The following PAX2 variants were observed in gnomAD, a reference collection of about 807,000 sequenced individuals.
The protein encoded by PAX2 is paired box 2.
PAX2 carries 9 observed loss-of-function variants against 41.7 expected under a neutral mutation model. The ratio of observed to expected loss-of-function variants is 0.22; its 90% CI spans 0.13 to 0.38. PAX2 has a LOEUF of 0.38. Ranked by LOEUF, PAX2 falls within the 10% of genes least tolerant of loss-of-function variation. The pLI is 1.00. For synonymous variants in PAX2, 221 were observed against 212.7 expected, an observed-to-expected ratio of 1.04 and a Z score of -0.34; for missense variants, 418 against 531.6, an observed-to-expected ratio of 0.79 and a Z score of 2.10.
chr10:100,760,947 G>A (rs982278812), intron 3 of PAX2, among the ~76,000 whole-genome samples: 51 of 152,298 alleles, frequency 3.3e-4, no homozygotes, highest in African/African-American at 1.2e-3. Context: ...GTGACTGTCT[G>A]GAGTCTGGGA....
chr10:100,783,170 C>T (rs531817191), intron 5 of PAX2, among the ~76,000 whole-genome samples: 3 of 152,354 alleles, frequency 2.0e-5, no homozygotes, highest in Admixed American at 6.5e-5. Flanking sequence ...AGTGGTTGAT[C>T]GCCTTCATTG....
In PAX2 at chr10:100,745,692, C is replaced by T; in HGVS notation, c.-569C>T. 4 of 603,354 alleles carry T rather than the reference C, an allele frequency of 6.6e-6. No homozygotes were observed. Among genetic ancestry groups the T allele is most frequent in the African/African-American group, 2.0e-5 (1 of 50,448 alleles). The allele number at this position is 603,354 out of a possible 1,614,324, so 37.4% of individuals were successfully genotyped here. ...CCGGCCCTTCGGCCGCGGCGGCGTG[C>T]GCCTGCCTTTTCCGGGGGCGGGGGC... is the stretch of plus-strand genomic sequence containing the variant. On this transcript the variant is annotated 5_prime_UTR_variant, in exon 1 of 10. Transcript: ENST00000355243.
At chr10:100,814,575 G>C (rs762497654) in intron 7 of PAX2, among the ~76,000 whole-genome samples, 1 of 152,190 alleles carries the variant, frequency 6.6e-6, no homozygotes, top group Non-Finnish European at 1.5e-5. Flanking sequence ...GCCTGTTCCA[G>C]GCTTGTCCAG....
chr10:100,809,355 A>G, intron 7 of PAX2, 119 bp downstream of exon 7: 1 of 1,053,682 alleles, frequency 9.5e-7, no homozygotes, highest in South Asian at 1.3e-5. Context: ...AGAGAGAACG[A>G]GGCTTCTAAA....
intron 3 of PAX2, among the ~76,000 whole-genome samples, chr10:100,777,480 C>T (rs1328628376): frequency 2.0e-5 from 3 of 150,898 alleles, no homozygotes; most frequent in Non-Finnish European, 4.4e-5. Flanking sequence ...CTGCAACCTC[C>T]GCCTCCCGGG....
At chr10:100,768,103 T>C (rs1846086072) in intron 3 of PAX2, among the ~76,000 whole-genome samples, 1 of 151,820 alleles carries the variant, frequency 6.6e-6, no homozygotes, top group African/African-American at 2.4e-5. Context: ...ACGATTGTGA[T>C]GTGAAAATCT....
chr10:100,793,975 G>C (rs1847232250), intron 5 of PAX2, among the ~76,000 whole-genome samples: 1 of 152,166 alleles, frequency 6.6e-6, no homozygotes, highest in Admixed American at 6.5e-5. Flanking sequence ...TGTTCCATAG[G>C]AATCTGGGGA....
At position 100,828,777 on chromosome 10, in the gene PAX2, C is replaced by G. The variant is rs1848675456; in HGVS notation, c.*1158C>G. The G allele has an allele frequency of 4.3e-6, 1 of 233,492 alleles. No individual in the cohort carries two copies. The highest frequency in any genetic ancestry group is 1.8e-4 in the South Asian group (1 of 5,522). The allele number at this position is 233,492 out of a possible 1,614,324, so 14.5% of individuals were successfully genotyped here. A position where few individuals can be genotyped will look rare whatever the true frequency, so the allele number is the denominator to read the frequency against. ...TCCTCCGGCAGGAACTGAACAGAAC[C>G]ACAAAAAGTCTACATTTATTTAATA... is the stretch of plus-strand genomic sequence containing the variant. On this transcript the variant is annotated 3_prime_UTR_variant, in exon 10 of 10. Transcript: ENST00000355243. This position sits in a 1 kb window ranked among gnomAD's most constrained non-coding sequence, Gnocchi z 6.5.
At chr10:100,825,942 T>A (rs1240696266) in intron 8 of PAX2, among the ~76,000 whole-genome samples, 2 of 31,786 alleles carry the variant, frequency 6.3e-5, no homozygotes, top group African/African-American at 1.3e-4. Flanking sequence ...TTTAAAGAGG[T>A]GGGGTGAGGG....
intron 3 of PAX2, among the ~76,000 whole-genome samples, chr10:100,757,862 G>A (rs1016522865): frequency 1.3e-5 from 2 of 152,134 alleles, no homozygotes; most frequent in African/African-American, 2.4e-5. Context: ...TGAGGGTATG[G>A]GAAGCTAAAG....
intron 1 of PAX2, 107 bp from the exon 2 acceptor site, chr10:100,749,639 C>T: frequency 6.6e-7 from 1 of 1,505,682 alleles, no homozygotes; most frequent in Non-Finnish European, 8.9e-7. Flanking sequence ...GGGAACATGC[C>T]CTTCCGCCCT....
chr10:100,744,560 T>C (rs1159293997), upstream of PAX2, among the ~76,000 whole-genome samples: 1 of 152,158 alleles, frequency 6.6e-6, no homozygotes, highest in East Asian at 1.9e-4. Flanking sequence ...CCTCCTGCGC[T>C]CGCCCCGGAT....
intron 5 of PAX2, among the ~76,000 whole-genome samples, chr10:100,804,679 A>G (rs1255330369): frequency 6.6e-6 from 1 of 152,172 alleles, no homozygotes; most frequent in African/African-American, 2.4e-5. Context: ...TTCTCATTCT[A>G]TTTCCACACA....
At chr10:100,777,504 C>A (rs1283972536) in intron 3 of PAX2, among the ~76,000 whole-genome samples, 1 of 151,140 alleles carries the variant, frequency 6.6e-6, no homozygotes, top group Admixed American at 6.6e-5. Flanking sequence ...AAGCAATTCT[C>A]CTGCCTCAGC....
At position 100,779,501 on chromosome 10, in the gene PAX2, C is replaced by T; in HGVS notation, c.414C>T (p.Ile138=). ...TGCTGTTGTGACGCTGTTGCAGAAT[C>T]ATCCGGACCAAAGTTCAGCAGCCTT... The part of the protein sequence containing the change: ...TVPSVSSINR[I]IRTKVQQPFH... The change falls in exon 4 of 10, where the codon ATC becomes ATT. Residue 138 remains isoleucine (I), a synonymous_variant. Coordinates refer to ENST00000355243, the MANE Select transcript of PAX2 (RefSeq NM_000278.5). 1 of 1,589,990 alleles carries T rather than the reference C, an allele frequency of 6.3e-7. No individual in the cohort carries two copies. Among genetic ancestry groups the T allele is most frequent in the Non-Finnish European group, 8.6e-7 (1 of 1,168,092 alleles).
intron 5 of PAX2, chr10:100,786,973 G>C: frequency 1.4e-6 from 2 of 1,390,264 alleles, no homozygotes; most frequent in Non-Finnish European, 1.9e-6. Context: ...GCCCACATTA[G>C]AGGAGGTGGA....
intron 5 of PAX2, among the ~76,000 whole-genome samples, chr10:100,803,507 G>T (rs1847642696): frequency 1.3e-5 from 2 of 152,092 alleles, no homozygotes; most frequent in Non-Finnish European, 2.9e-5. Context: ...TATTTGGAGG[G>T]CTGGCTGGCT....
At chr10:100,752,647 G>A (rs1589815788) in intron 3 of PAX2, among the ~76,000 whole-genome samples, 1 of 152,308 alleles carries the variant, frequency 6.6e-6, no homozygotes, top group South Asian at 2.1e-4. Context: ...GTCAGTAACA[G>A]AATTTTCAAG....
At chr10:100,799,789 CTTT>C (rs56012188) in intron 5 of PAX2, among the ~76,000 whole-genome samples, 12 of 89,904 alleles carry the variant, frequency 1.3e-4, no homozygotes, top group Non-Finnish European at 2.0e-4. Context: ...TAGTGTAATT[CTTT>C]TTTTTTTTTT....
Sources: gnomAD v4.1 joint callset for allele counts (sites outside exome capture counted in the v4.1 genomes callset) on GRCh38, gnomAD v4.1.1 for gene constraint, Gnocchi (gnomAD v3.1) non-coding constraint, MANE v1.5 for transcripts, NCBI Gene and HGNC (gene_info 2026-07-23, HGNC 2026-07-21) for gene names.